The following XKR9 variants were observed in gnomAD, a reference collection of about 807,000 sequenced individuals.
XKR9 encodes the protein XK-related protein 9.
In XKR9, 32 loss-of-function variants were observed where a neutral mutation model predicts 32.0. That is an observed-to-expected ratio of 1.00 (90% CI 0.76 to 1.34). The LOEUF is 1.34. Ranked by LOEUF, XKR9 falls within the 40% of genes most tolerant of loss-of-function variation. The probability of loss-of-function intolerance (pLI) is 0.00; values close to 1 mark genes in which losing one functional copy is unlikely to be tolerated. For synonymous variants in XKR9, 168 were observed against 143.4 expected (o/e 1.17, Z -1.22); for missense variants, 546 against 429.7 (o/e 1.27, Z -2.39).
chr8:70,731,439 A>C (rs1179500244), intron 4 of XKR9, among the ~76,000 whole-genome samples: 1 of 152,110 alleles, frequency 6.6e-6, no homozygotes, highest in Admixed American at 6.5e-5. Context: ...GGTTCAAGCC[A>C]CTTTACAAAA....
the XKR9 span, among the ~76,000 whole-genome samples, chr8:70,838,071 G>A: frequency 6.6e-6 from 1 of 151,928 alleles, no homozygotes; most frequent in Non-Finnish European, 1.5e-5. Context: ...CCTTTATTGA[G>A]GACTTACCGA....
At chr8:70,779,677 T>C (rs576936985) in intron 2 of XKR9, among the ~76,000 whole-genome samples, 10 of 152,330 alleles carry the variant, frequency 6.6e-5, no homozygotes, top group South Asian at 2.1e-4. Context: ...CCTGGCTTAG[T>C]CTTGGGAGGG....
chr8:71,028,962 G>A, the XKR9 span, among the ~76,000 whole-genome samples: 4 of 151,998 alleles, frequency 2.6e-5, no homozygotes, highest in Non-Finnish European at 2.9e-5. Flanking sequence ...GTATTAAAGA[G>A]TCAAACTTAT....
At chr8:70,873,727 T>A in the XKR9 span, among the ~76,000 whole-genome samples, 7 of 152,206 alleles carry the variant, frequency 4.6e-5, no homozygotes, top group African/African-American at 1.7e-4. Flanking sequence ...ATCATTGAAA[T>A]GAAAACAAAG....
At chr8:70,886,934 G>A in the XKR9 span, among the ~76,000 whole-genome samples, 1 of 152,030 alleles carries the variant, frequency 6.6e-6, no homozygotes, top group Non-Finnish European at 1.5e-5. Context: ...AATTGCTTTT[G>A]GTGTTTTAGT....
At chr8:70,792,255 A>T (rs1458941945), downstream of XKR9, among the ~76,000 whole-genome samples, 1 of 152,110 alleles carries the variant, frequency 6.6e-6, no homozygotes, top group Non-Finnish European at 1.5e-5. Context: ...CTAGAAAATC[A>T]TTCCTATCTC....
At chr8:70,869,988 A>G in the XKR9 span, among the ~76,000 whole-genome samples, 1 of 152,158 alleles carries the variant, frequency 6.6e-6, no homozygotes, top group African/African-American at 2.4e-5. Flanking sequence ...AGTGTCTGGC[A>G]TATAGTAGGA....
chr8:70,775,991 C>A (rs1807514456), intron 2 of XKR9, among the ~76,000 whole-genome samples: 1 of 152,076 alleles, frequency 6.6e-6, no homozygotes, highest in South Asian at 2.1e-4. Flanking sequence ...AACAATCCTC[C>A]CATCTCAGCC....
chr8:70,956,661 C>T, the XKR9 span, among the ~76,000 whole-genome samples: 2 of 152,150 alleles, frequency 1.3e-5, no homozygotes, highest in African/African-American at 2.4e-5. Flanking sequence ...CCCAGCCCCC[C>T]TCCCGTGCCT....
At chr8:70,729,616 T>C (rs1029611886) in intron 4 of XKR9, among the ~76,000 whole-genome samples, 6 of 152,274 alleles carry the variant, frequency 3.9e-5, no homozygotes, top group African/African-American at 1.2e-4. Context: ...CAATTGCCTA[T>C]GGATGACAAA....
the XKR9 span, among the ~76,000 whole-genome samples, chr8:71,022,352 A>C: frequency 6.6e-6 from 1 of 152,208 alleles, no homozygotes; most frequent in African/African-American, 2.4e-5. Flanking sequence ...TTGTCTGAGA[A>C]AGTCTTAATT....
At chr8:70,682,697 C>T (rs899343748) in intron 3 of XKR9, among the ~76,000 whole-genome samples, 2 of 152,104 alleles carry the variant, frequency 1.3e-5, no homozygotes, top group Admixed American at 6.5e-5. Context: ...GTCATCTCAC[C>T]TCCACAAGTC....
At chr8:70,701,753 T>G (rs1223557305) in intron 3 of XKR9, among the ~76,000 whole-genome samples, 1 of 152,170 alleles carries the variant, frequency 6.6e-6, no homozygotes, top group African/African-American at 2.4e-5. Context: ...AATATCAATA[T>G]GAATTATTTA....
At chr8:71,034,526 A>T in the XKR9 span, among the ~76,000 whole-genome samples, 2 of 152,204 alleles carry the variant, frequency 1.3e-5, no homozygotes, top group African/African-American at 2.4e-5. Flanking sequence ...TGGAACATTC[A>T]TGCTTGGAGT....
chr8:70,700,781 T>C (rs540031118), intron 3 of XKR9, among the ~76,000 whole-genome samples: 61 of 152,286 alleles, frequency 4.0e-4, no homozygotes, highest in African/African-American at 1.3e-3. Flanking sequence ...GTGCCCTGCC[T>C]CCAGAGGTGG....
At chr8:70,844,417 G>T in the XKR9 span, among the ~76,000 whole-genome samples, 1 of 152,162 alleles carries the variant, frequency 6.6e-6, no homozygotes, top group East Asian at 1.9e-4. Context: ...GTGTGTGGCT[G>T]CAGTCACTGG....
At chr8:70,736,880 A>G (rs1362260665), downstream of XKR9, among the ~76,000 whole-genome samples, 7 of 151,820 alleles carry the variant, frequency 4.6e-5, no homozygotes, top group African/African-American at 1.2e-4. Context: ...GCCTTGTAGT[A>G]TAGTTTGAAG....
chr8:70,972,932 G>A, the XKR9 span, among the ~76,000 whole-genome samples: 2 of 151,908 alleles, frequency 1.3e-5, no homozygotes, highest in African/African-American at 4.8e-5. Flanking sequence ...TTTCTTTTGC[G>A]TGTTATGTCC....
downstream of XKR9, chr8:70,735,946 C>T (rs532083096): frequency 3.0e-3 from 459 of 151,940 alleles, 3 homozygotes; most frequent in African/African-American, 0.011. Context: ...GTCTTTATAG[C>T]AGCATGATTT....
Sources: allele counts gnomAD v4.1 joint callset (sites outside exome capture counted in the v4.1 genomes callset), GRCh38; gene constraint gnomAD v4.1.1; transcripts MANE v1.5; gene names NCBI Gene and HGNC (gene_info 2026-07-23, HGNC 2026-07-21).